CNTN5: variants seen among roughly 807,000 people sequenced by gnomAD.
CNTN5 encodes the protein contactin 5.
CNTN5 carries 77 observed loss-of-function variants against 129.1 expected under a neutral mutation model. The ratio of observed to expected loss-of-function variants is 0.60; its 90% CI spans 0.50 to 0.72. The LOEUF is 0.72. Among genes scored for constraint, CNTN5 ranks in the 30% least tolerant of loss-of-function variants. The pLI, the probability that CNTN5 is intolerant of heterozygous loss-of-function variation, is 0.00. For missense variants in CNTN5, 1,478 were observed against 1,328.8 expected (o/e 1.11, Z -1.75); for synonymous variants, 509 against 465.6 (o/e 1.09, Z -1.20).
chr11:99,551,576 G>A (rs1948483496), intron 2 of CNTN5, among the ~76,000 whole-genome samples: 1 of 152,134 alleles, frequency 6.6e-6, no homozygotes, highest in African/African-American at 2.4e-5. Flanking sequence ...TAATGACTGA[G>A]CCATATTCTG....
At chr11:99,882,502 G>A (rs1186019738) in intron 6 of CNTN5, among the ~76,000 whole-genome samples, 3 of 152,118 alleles carry the variant, frequency 2.0e-5, no homozygotes, top group Non-Finnish European at 4.4e-5. Context: ...AAAACATTCT[G>A]AGTAAATCTG....
chr11:99,990,538 T>C (rs1343613669), intron 8 of CNTN5, among the ~76,000 whole-genome samples: 1 of 151,872 alleles, frequency 6.6e-6, no homozygotes, highest in Non-Finnish European at 1.5e-5. Flanking sequence ...CTCTAGGTTT[T>C]TTCAATCATC....
intron 3 of CNTN5, among the ~76,000 whole-genome samples, chr11:99,675,665 G>A (rs918850061): frequency 4.6e-5 from 7 of 152,000 alleles, no homozygotes; most frequent in South Asian, 4.2e-4. Context: ...CCAGCCTGTC[G>A]ACAGAGCAAA....
chr11:99,101,298 AT>A (rs11313108), intron 1 of CNTN5, among the ~76,000 whole-genome samples: 71,282 of 151,870 alleles, frequency 0.47, 16,909 homozygotes, highest in East Asian at 0.59. Flanking sequence ...GTGGGAACAC[AT>A]GATAAACCAT....
chr11:99,718,446 G>C (rs1304233007), intron 3 of CNTN5, among the ~76,000 whole-genome samples: 1 of 152,120 alleles, frequency 6.6e-6, no homozygotes, highest in Non-Finnish European at 1.5e-5. Flanking sequence ...GTTCCTGAGT[G>C]ATTCTGATAT....
At chr11:99,471,876 C>T (rs1945190125) in intron 2 of CNTN5, among the ~76,000 whole-genome samples, 1 of 152,100 alleles carries the variant, frequency 6.6e-6, no homozygotes, top group African/African-American at 2.4e-5. Flanking sequence ...CTGTTTGTCA[C>T]AGTACCTCAA....
intron 2 of CNTN5, among the ~76,000 whole-genome samples, chr11:99,523,056 C>A (rs1475649115): frequency 6.6e-6 from 1 of 152,176 alleles, no homozygotes; most frequent in Non-Finnish European, 1.5e-5. Flanking sequence ...TCCAGCAATA[C>A]CAAGCCATAG....
At chr11:99,317,074 G>T (rs990658792) in intron 1 of CNTN5, among the ~76,000 whole-genome samples, 6 of 152,134 alleles carry the variant, frequency 3.9e-5, no homozygotes, top group Non-Finnish European at 8.8e-5. Context: ...ACTTCAGTTG[G>T]CTATGTCCTT....
chr11:100,335,698 C>T (rs1481375594), intron 21 of CNTN5, among the ~76,000 whole-genome samples: 3 of 151,400 alleles, frequency 2.0e-5, no homozygotes, highest in Non-Finnish European at 4.4e-5. Context: ...AACCCAGGAG[C>T]TGGAGGTTGC....
Position 100,224,710 on chromosome 11 carries a change from T to G in CNTN5, c.1903T>G (p.Leu635Val). The G allele has an allele frequency of 6.2e-7, 1 of 1,612,058 alleles. No homozygotes were observed. The highest frequency in any genetic ancestry group is 2.2e-5 in the East Asian group (1 of 44,848). ...SIRAQASSAD[L>V]MIRNILLMHA... Reference sequence around the variant, plus strand: ...CTTTCAGCAAGCATCCTCTGCAGATTTAATGATCAGGAACATCCTTCTGAT... The same window carrying G: ...CTTTCAGCAAGCATCCTCTGCAGATGTAATGATCAGGAACATCCTTCTGAT... The change falls in exon 16 of 25, where the codon TTA becomes GTA. Residue 635 changes from leucine (L) to valine (V), a missense_variant. Transcript: ENST00000524871.
chr11:99,602,729 C>A (rs1038360802), intron 3 of CNTN5, among the ~76,000 whole-genome samples: 3 of 151,352 alleles, frequency 2.0e-5, no homozygotes, highest in African/African-American at 7.3e-5. Context: ...CAGTGGTTCT[C>A]CCAGCACGCA....
intron 3 of CNTN5, among the ~76,000 whole-genome samples, chr11:99,600,346 A>C (rs1950275387): frequency 6.6e-6 from 1 of 152,198 alleles, no homozygotes. Flanking sequence ...TTCCCTGCTG[A>C]AATAGGATGT....
intron 13 of CNTN5, 195 bp downstream of exon 13, chr11:100,074,489 C>T (rs981050254): frequency 1.8e-5 from 9 of 501,094 alleles, no homozygotes; most frequent in Middle Eastern, 5.1e-4. Flanking sequence ...TCTTCTTTGA[C>T]TCCATGGGGT....
chr11:100,246,043 T>C (rs1263070139), intron 16 of CNTN5, among the ~76,000 whole-genome samples: 1 of 152,116 alleles, frequency 6.6e-6, no homozygotes, highest in Admixed American at 6.6e-5. Flanking sequence ...CCAATGATAG[T>C]ACATTTTTTC....
chr11:99,973,063 T>C (rs1359161031), intron 8 of CNTN5, among the ~76,000 whole-genome samples: 1 of 151,932 alleles, frequency 6.6e-6, no homozygotes, highest in Non-Finnish European at 1.5e-5. Context: ...AAAAGGTGAA[T>C]GAAAGGCGAT....
At chr11:99,651,881 G>A (rs73555634) in intron 3 of CNTN5, among the ~76,000 whole-genome samples, 3,536 of 152,034 alleles carry the variant, frequency 0.023, 145 homozygotes, top group African/African-American at 0.08. Flanking sequence ...AAATGGATAA[G>A]ATTTCATATA....
chr11:100,019,416 A>G (rs966503122), intron 9 of CNTN5, among the ~76,000 whole-genome samples: 3 of 151,962 alleles, frequency 2.0e-5, no homozygotes, highest in South Asian at 2.1e-4. Context: ...ACATTTTTAA[A>G]TTCCACATAT....
At chr11:99,506,530 G>T (rs112972120) in intron 2 of CNTN5, among the ~76,000 whole-genome samples, 5 of 151,912 alleles carry the variant, frequency 3.3e-5, no homozygotes. Flanking sequence ...TAGACGATTT[G>T]CGCCTTGAAA....
chr11:99,140,907 T>TC (rs1016076957), intron 1 of CNTN5, among the ~76,000 whole-genome samples: 1 of 151,532 alleles, frequency 6.6e-6, no homozygotes, highest in African/African-American at 2.4e-5. Context: ...GTATTTTTTT[T>TC]TTGAGGATGT....
Sources: gnomAD v4.1 joint callset for allele counts (sites outside exome capture counted in the v4.1 genomes callset) on GRCh38, gnomAD v4.1.1 for gene constraint, MANE v1.5 for transcripts, NCBI Gene and HGNC (gene_info 2026-07-23, HGNC 2026-07-21) for gene names.